The following RSPH14 variants were observed in gnomAD, a reference collection of about 807,000 sequenced individuals.
The protein encoded by RSPH14 is radial spoke head 14 homolog.
RSPH14 carries 20 observed loss-of-function variants against 26.7 expected under a neutral mutation model. That is an observed-to-expected ratio of 0.75 (90% CI 0.53 to 1.09). The LOEUF (loss-of-function observed/expected upper bound fraction) is 1.09, where lower values mean the gene tolerates loss of function less well. RSPH14 is among the 50% of genes least tolerant of loss of function. RSPH14 has a pLI of 0.00. For missense variants in RSPH14, 449 were observed against 457.2 expected (o/e 0.98, Z 0.16); for synonymous variants, 177 against 189.3 (o/e 0.93, Z 0.53).
At chr22:23,092,630 T>G (rs1387737874) in intron 4 of RSPH14, among the ~76,000 whole-genome samples, 5 of 152,172 alleles carry the variant, frequency 3.3e-5, no homozygotes, top group Non-Finnish European at 7.3e-5. Context: ...CGCACACTGA[T>G]CGAAGACTGC....
chr22:23,071,724 A>T lies in RSPH14; in HGVS notation c.422-7591T>A, dbSNP rs562954512. On this transcript the variant is annotated intron_variant, in intron 4 of 6. Coordinates refer to ENST00000216036, the MANE Select transcript of RSPH14 (RefSeq NM_014433.3). This position sits in a 1 kb window ranked among gnomAD's most constrained non-coding sequence, Gnocchi z 4.1. The stretch of plus-strand genomic sequence containing the variant: ...TGCAGGTGCAGGGGCCTCGGGAGGG[A>T]CCTCAGAGTGGTGTCCTGGGCTGGG... Among the ~76,000 whole-genome samples, 2 of 152,178 alleles carry T rather than the reference A, an allele frequency of 1.3e-5. No individual in the cohort carries two copies. The highest frequency in any genetic ancestry group is 4.1e-4 in the South Asian group (2 of 4,822).
At chr22:23,153,114 G>A in the RSPH14 span, 49 of 1,614,066 alleles carry the variant, frequency 3.0e-5, no homozygotes, top group African/African-American at 6.1e-4. Context: ...AGATTGCTGG[G>A]ATTCCCTATA....
At chr22:23,128,128 G>T (rs1569191259) in intron 4 of RSPH14, among the ~76,000 whole-genome samples, 1 of 152,244 alleles carries the variant, frequency 6.6e-6, no homozygotes, top group African/African-American at 2.4e-5. Flanking sequence ...GGACCAGTGG[G>T]ATGGTAGAGG....
At chr22:23,159,161 A>C in the RSPH14 span, 1 of 1,611,196 alleles carries the variant, frequency 6.2e-7, no homozygotes, top group African/African-American at 1.3e-5. Flanking sequence ...CATTTCTCCC[A>C]GTCAGGGGCC....
chr22:23,146,591 G>C, upstream of RSPH14: 1 of 1,612,838 alleles, frequency 6.2e-7, no homozygotes, highest in Non-Finnish European at 8.5e-7. Flanking sequence ...TCTTTCTCCT[G>C]GTTGGGTCCA....
At chr22:23,151,059 G>A in the RSPH14 span, among the ~76,000 whole-genome samples, 5 of 152,268 alleles carry the variant, frequency 3.3e-5, no homozygotes, top group Non-Finnish European at 7.3e-5. Context: ...TTCCTAAGGA[G>A]CTCATAGTCT....
chr22:23,171,158 A>G, the RSPH14 span, among the ~76,000 whole-genome samples: 1 of 151,902 alleles, frequency 6.6e-6, no homozygotes, highest in Admixed American at 6.6e-5. Context: ...AGTAGAGACA[A>G]GGTTTCACCA....
At chr22:23,067,213 ATT>A (rs1271114397) in intron 4 of RSPH14, among the ~76,000 whole-genome samples, 1 of 151,910 alleles carries the variant, frequency 6.6e-6, no homozygotes, top group Admixed American at 6.6e-5. Context: ...AGTCTGGGTC[ATT>A]TTCTTTGTGG....
chr22:23,175,000 ATT>A, the RSPH14 span, among the ~76,000 whole-genome samples: 12 of 144,882 alleles, frequency 8.3e-5, no homozygotes, highest in Non-Finnish European at 7.6e-5. Flanking sequence ...TAAAAAAAAA[ATT>A]TTTTTTTTTT....
At chr22:23,082,645 G>A (rs1023687736) in intron 4 of RSPH14, among the ~76,000 whole-genome samples, 1 of 152,246 alleles carries the variant, frequency 6.6e-6, no homozygotes, top group African/African-American at 2.4e-5. Flanking sequence ...GGAGGAGGCT[G>A]CTTGATGACA....
intron 4 of RSPH14, among the ~76,000 whole-genome samples, chr22:23,068,372 T>A (rs1204522157): frequency 6.6e-6 from 1 of 152,266 alleles, no homozygotes; most frequent in Non-Finnish European, 1.5e-5. Context: ...GCCCAATCGT[T>A]GTTTGCTTTC....
intron 4 of RSPH14, among the ~76,000 whole-genome samples, chr22:23,092,545 A>G (rs1471139506): frequency 6.6e-6 from 1 of 152,160 alleles, no homozygotes; most frequent in Non-Finnish European, 1.5e-5. Context: ...CAGGTGACAG[A>G]CTTGGCCCTG....
At chr22:23,111,694 T>TA (rs551834011) in intron 4 of RSPH14, among the ~76,000 whole-genome samples, 6 of 152,134 alleles carry the variant, frequency 3.9e-5, no homozygotes, top group Non-Finnish European at 5.9e-5. Context: ...GTGGGAGAAT[T>TA]AGGTTTCAGA....
At chr22:23,146,860 T>G (rs1269334673), upstream of RSPH14, among the ~76,000 whole-genome samples, 3 of 152,112 alleles carry the variant, frequency 2.0e-5, no homozygotes, top group African/African-American at 7.2e-5. Context: ...GGACCGCAAG[T>G]TAATGGTGAC....
At chr22:23,130,515 A>AGAAAGAAAGAAAGAAAGAAAGAAG in intron 4 of RSPH14, among the ~76,000 whole-genome samples, 1 of 151,488 alleles carries the variant, frequency 6.6e-6, no homozygotes, top group Non-Finnish European at 1.5e-5. Context: ...AAAGAAAGAA[A>AGAAAGAAAGAAAGAAAGAAAGAAG]GAAAGAAAGA....
chr22:23,144,535 C>T (rs188157004), upstream of RSPH14, among the ~76,000 whole-genome samples: 8 of 152,260 alleles, frequency 5.3e-5, no homozygotes, highest in Admixed American at 2.0e-4. Context: ...TAAGCCTCAA[C>T]CTTAGCAGTG....
chr22:23,089,550 G>A (rs13433645), intron 4 of RSPH14, among the ~76,000 whole-genome samples: 6,558 of 152,216 alleles, frequency 0.043, 503 homozygotes, highest in African/African-American at 0.15. Context: ...AAGAGAGGTG[G>A]CAGCACTTTC....
the RSPH14 span, among the ~76,000 whole-genome samples, chr22:23,159,691 C>T: frequency 6.6e-6 from 1 of 152,204 alleles, no homozygotes. Context: ...TGCCTCTGGC[C>T]CTGAAATGCC....
chr22:23,151,947 G>C, the RSPH14 span, among the ~76,000 whole-genome samples: 1 of 152,224 alleles, frequency 6.6e-6, no homozygotes, highest in South Asian at 2.1e-4. Flanking sequence ...GGGCACGGTG[G>C]TGTCATGGTC....
Sources: gnomAD v4.1 joint callset for allele counts (sites outside exome capture counted in the v4.1 genomes callset) on GRCh38, gnomAD v4.1.1 for gene constraint, Gnocchi (gnomAD v3.1) non-coding constraint, MANE v1.5 for transcripts, NCBI Gene and HGNC (gene_info 2026-07-23, HGNC 2026-07-21) for gene names.